The following TENM3 variants were observed in gnomAD, a reference collection of about 807,000 sequenced individuals.
TENM3 encodes teneurin transmembrane protein 3, also known as teneurin-3.
A neutral mutation model predicts 255.1 loss-of-function variants in TENM3; 63 were observed. The ratio of observed to expected loss-of-function variants is 0.25; its 90% CI spans 0.20 to 0.30. The LOEUF is 0.30. TENM3 is among the 10% of genes least tolerant of loss of function. The probability of loss-of-function intolerance (pLI) is 1.00; values close to 1 mark genes in which losing one functional copy is unlikely to be tolerated. For missense variants in TENM3, 2,929 were observed against 3,461.1 expected, an observed-to-expected ratio of 0.85 and a Z score of 3.86; for synonymous variants, 1,306 against 1,322.3, an observed-to-expected ratio of 0.99 and a Z score of 0.27.
the TENM3 span, among the ~76,000 whole-genome samples, chr4:182,091,160 G>A: frequency 6.6e-6 from 1 of 152,162 alleles, no homozygotes; most frequent in African/African-American, 2.4e-5. Context: ...AAAAAGAAAG[G>A]CAAGAGTCCG....
At chr4:181,542,109 A>G in the TENM3 span, among the ~76,000 whole-genome samples, 1 of 152,218 alleles carries the variant, frequency 6.6e-6, no homozygotes, top group East Asian at 1.9e-4. Flanking sequence ...ATAATCATGT[A>G]AAGGAACAAG....
chr4:181,511,814 A>G, the TENM3 span, among the ~76,000 whole-genome samples: 1 of 152,148 alleles, frequency 6.6e-6, no homozygotes, highest in African/African-American at 2.4e-5. Flanking sequence ...TCAAAATGCC[A>G]GCGGGGTGTA....
chr4:181,619,178 C>G, the TENM3 span, among the ~76,000 whole-genome samples: 79 of 152,170 alleles, frequency 5.2e-4, no homozygotes, highest in Non-Finnish European at 7.9e-4. Flanking sequence ...CTCGGAGTGG[C>G]CGTCTGCTCT....
the TENM3 span, among the ~76,000 whole-genome samples, chr4:182,115,804 T>C: frequency 6.6e-6 from 1 of 152,144 alleles, no homozygotes; most frequent in Non-Finnish European, 1.5e-5. Context: ...ATTGATATAG[T>C]CCAGCACTCT....
chr4:181,845,802 T>A, the TENM3 span, among the ~76,000 whole-genome samples: 1 of 152,334 alleles, frequency 6.6e-6, no homozygotes, highest in African/African-American at 2.4e-5. Context: ...CAAAGACATA[T>A]TAGTCATTAC....
chr4:182,210,604 T>A (rs1754951308), intron 1 of TENM3, among the ~76,000 whole-genome samples: 1 of 146,800 alleles, frequency 6.8e-6, no homozygotes, highest in South Asian at 2.2e-4. Flanking sequence ...CTGCCTCCAT[T>A]TTCCCCCTCT....
At chr4:181,701,355 C>T in the TENM3 span, among the ~76,000 whole-genome samples, 1 of 152,170 alleles carries the variant, frequency 6.6e-6, no homozygotes, top group Admixed American at 6.5e-5. Flanking sequence ...CAGATAAAAA[C>T]ATTGTTTAGC....
intron 3 of TENM3, chr4:182,449,005 C>T: frequency 5.0e-6 from 2 of 400,198 alleles, no homozygotes; most frequent in South Asian, 1.7e-5. Flanking sequence ...CGCTGTAACA[C>T]GATACGCTCC....
At chr4:181,461,999 G>T in the TENM3 span, among the ~76,000 whole-genome samples, 108 of 152,262 alleles carry the variant, frequency 7.1e-4, 1 homozygote, top group Non-Finnish European at 1.3e-3. Flanking sequence ...TCCAACAAAA[G>T]TATTGGGCCT....
At chr4:182,635,406 A>G (rs1751758076) in intron 5 of TENM3, among the ~76,000 whole-genome samples, 1 of 152,190 alleles carries the variant, frequency 6.6e-6, no homozygotes, top group South Asian at 2.1e-4. Context: ...GAATCCCTGC[A>G]TCCTTTAACA....
chr4:181,899,756 TG>T, the TENM3 span, among the ~76,000 whole-genome samples: 1 of 151,942 alleles, frequency 6.6e-6, no homozygotes. Flanking sequence ...TTAGAAGAGA[TG>T]GGGTTTCACC....
the TENM3 span, among the ~76,000 whole-genome samples, chr4:182,044,236 A>G: frequency 6.6e-6 from 1 of 152,226 alleles, no homozygotes; most frequent in East Asian, 1.9e-4. Flanking sequence ...AAAAGCACAA[A>G]AAAAGAAAAG....
chr4:182,324,081 C>G lies in TENM3; in HGVS notation c.61C>G (p.Arg21Gly). The G allele has an allele frequency of 6.2e-7, 1 of 1,613,974 alleles. No individual in the cohort carries two copies. The highest frequency in any genetic ancestry group is 8.5e-7 in the Non-Finnish European group (1 of 1,179,886). Reference sequence around the variant, plus strand: ...GACCAAGAGCAGACGAGAGAAGGAACGGCGCTACACAAATTCCTCCGCAGA... The same window carrying G: ...GACCAAGAGCAGACGAGAGAAGGAAGGGCGCTACACAAATTCCTCCGCAGA... ...SLTKSRREKE[R>G]RYTNSSADNE... is the part of the protein sequence containing the mutation. Residue 21 changes from arginine to glycine, a missense_variant, in exon 2 of 28, where the codon CGG becomes GGG. Arg to Gly is a moderately radical substitution (Grantham distance 125). Transcript: ENST00000511685.
At chr4:182,378,629 C>T (rs1473473724) in intron 3 of TENM3, among the ~76,000 whole-genome samples, 1 of 152,082 alleles carries the variant, frequency 6.6e-6, no homozygotes, top group African/African-American at 2.4e-5. Context: ...TGAAAACAGG[C>T]CTCGGAAGGG....
At chr4:182,755,437 G>T in intron 22 of TENM3, 178 bp downstream of exon 22, 1 of 593,360 alleles carries the variant, frequency 1.7e-6, no homozygotes, top group African/African-American at 1.9e-5. Flanking sequence ...AGCTCCTGGG[G>T]AGGCTGAGAC....
At chr4:181,833,716 C>CT in the TENM3 span, among the ~76,000 whole-genome samples, 468 of 148,798 alleles carry the variant, frequency 3.1e-3, no homozygotes, top group South Asian at 0.012. Flanking sequence ...TCTCTGGAAA[C>CT]TTTTTTTTTT....
At chr4:182,472,965 C>T (rs1370332977) in intron 3 of TENM3, among the ~76,000 whole-genome samples, 1 of 152,112 alleles carries the variant, frequency 6.6e-6, no homozygotes, top group Non-Finnish European at 1.5e-5. Context: ...TCTATTATAT[C>T]ATGACTATTC....
rs537910092 is a variant in TENM3 at position 182,180,287 on chromosome 4, T to A, written c.-76+35533T>A. Among the ~76,000 whole-genome samples, 7 of 152,342 alleles carry A rather than the reference T, an allele frequency of 4.6e-5. 2 individuals are homozygous for A. The highest frequency in any genetic ancestry group is 1.7e-4 in the African/African-American group (7 of 41,584). On this transcript the variant is annotated intron_variant, in intron 1 of 2. Transcript: ENST00000512480. ...GAACTGGAAAATGTTGATGTTTAGT[T>A]ACATATTTATGGAGGACGATAATCT...
At chr4:182,706,959 CAA>C (rs71605083) in intron 12 of TENM3, among the ~76,000 whole-genome samples, 4 of 126,048 alleles carry the variant, frequency 3.2e-5, no homozygotes, top group Admixed American at 1.6e-4. Flanking sequence ...ACCCTGTATC[CAA>C]AAAAAAAAAA....
Sources: allele counts gnomAD v4.1 joint callset (sites outside exome capture counted in the v4.1 genomes callset), GRCh38; gene constraint gnomAD v4.1.1; transcripts MANE v1.5; gene names NCBI Gene and HGNC (gene_info 2026-07-23, HGNC 2026-07-21).